BAZ2A: variants seen among roughly 807,000 people sequenced by gnomAD.
BAZ2A encodes bromodomain adjacent to zinc finger domain 2A, also known as bromodomain adjacent to zinc finger domain protein 2A.
A neutral mutation model predicts 199.9 loss-of-function variants in BAZ2A; 34 were observed. The ratio of observed to expected loss-of-function variants is 0.17; its 90% CI spans 0.13 to 0.23. BAZ2A has a LOEUF of 0.23. BAZ2A is among the 10% of genes least tolerant of loss of function. BAZ2A has a pLI of 1.00. For synonymous variants in BAZ2A, 857 were observed against 883.9 expected (o/e 0.97, Z 0.54); for missense variants, 2,002 against 2,391.1 (o/e 0.84, Z 3.39).
rs902839559 is a variant in BAZ2A at position 56,595,690 on chromosome 12, G to C, written c.*2928C>G. 1 of 152,248 alleles carries C rather than the reference G, an allele frequency of 6.6e-6. No individual in the cohort carries two copies. The highest frequency in any genetic ancestry group is 1.5e-5 in the Non-Finnish European group (1 of 68,054). 9.4% of individuals were successfully genotyped at this position (152,248 alleles called of 1,614,324 possible). ...CAGGAACACAGAGGTGGCAGCTTAG[G>C]AAGCTGGGGCCACATCTCACAAGGC... On this transcript the variant is annotated 3_prime_UTR_variant, in exon 29 of 29. Coordinates refer to ENST00000549884, the MANE Select transcript of BAZ2A (RefSeq NM_001300905.2).
chr12:56,601,491 A>G, intron 20 of BAZ2A, 55 bp downstream of exon 20: 1 of 1,596,156 alleles, frequency 6.3e-7, no homozygotes. Context: ...CACCCAGGCA[A>G]TGGTGCCTGT....
intron 1 of BAZ2A, among the ~76,000 whole-genome samples, chr12:56,617,777 G>T (rs1021911307): frequency 3.3e-5 from 5 of 152,142 alleles, no homozygotes; most frequent in African/African-American, 1.2e-4. Flanking sequence ...AAGCAAGTTA[G>T]CGAGAAAAAC....
intron 1 of BAZ2A, among the ~76,000 whole-genome samples, chr12:56,627,798 C>T (rs1393435673): frequency 6.8e-6 from 1 of 147,464 alleles, no homozygotes; most frequent in Non-Finnish European, 1.5e-5. Context: ...TGCACTCCAG[C>T]CTGGGCATCG....
In BAZ2A at chr12:56,615,105, A is replaced by T; in HGVS notation, c.639T>A (p.Pro213=). Residue 213 remains proline, a synonymous_variant, in exon 3 of 29, where the codon CCT becomes CCA. Coordinates refer to ENST00000549884, the MANE Select transcript of BAZ2A (RefSeq NM_001300905.2). ...PSQEVGSGIH[P]DEAAEKEMTS... is the part of the protein sequence containing the mutation. ...TCATCTCCTTTTCTGCTGCCTCATC[A>T]GGATGGATACCACTGCCTACCTCCT... The T allele has an allele frequency of 6.2e-7, 1 of 1,613,890 alleles. No homozygotes were observed. Among genetic ancestry groups the T allele is most frequent in the Middle Eastern group, 1.6e-4 (1 of 6,062 alleles).
chr12:56,599,090 G>A, intron 27 of BAZ2A, 39 bp downstream of exon 27: 1 of 1,598,752 alleles, frequency 6.3e-7, no homozygotes, highest in Admixed American at 1.7e-5. Flanking sequence ...CTCTGGCAGA[G>A]GTAGAGCCAA....
chr12:56,603,329 CCAA>C, intron 18 of BAZ2A, 27 bp downstream of exon 18: 1 of 1,609,102 alleles, frequency 6.2e-7, no homozygotes, highest in Non-Finnish European at 8.5e-7. Context: ...GCCCATATCT[CCAA>C]CTCTTGGGAG....
In BAZ2A at chr12:56,612,259, G is replaced by C. The variant is rs769392333; in HGVS notation, c.1136-13C>G. On this transcript the variant is annotated splice_polypyrimidine_tract_variant and intron_variant, in intron 5 of 28. Coordinates refer to ENST00000549884, the MANE Select transcript of BAZ2A (RefSeq NM_001300905.2). ...TCAAAGCTGTTATCTAGAATCCAAA[G>C]GGACAGGATAGGCTTTAAAAAAAAA... 5.2e-5 allele frequency: 83 copies of C among 1,604,610 alleles called. 2 individuals carry two copies. The Middle Eastern group carries it at 8.4e-4, about 16-fold the overall frequency.
Position 56,635,582 on chromosome 12 carries a change from T to C in BAZ2A, c.4+600A>G, listed in dbSNP as rs1194584145. On this transcript the variant is annotated intron_variant, in intron 1 of 29. Transcript: ENST00000379441. The surrounding 1 kb of genome is among the most constrained non-coding windows in gnomAD (Gnocchi z 4.1). ...CACTCAGTGCCCTCAGTGACTGTAG[T>C]GTGGGGGCCATCAATAGCAGCCCTG... 6.6e-6 allele frequency among the ~76,000 whole-genome samples: 1 copy of C among 152,112 alleles called. No homozygotes were observed. Among genetic ancestry groups the C allele is most frequent in the Non-Finnish European group, 1.5e-5 (1 of 68,024 alleles).
At chr12:56,604,182 C>T (rs1950271255) in intron 16 of BAZ2A, 35 bp downstream of exon 16, 1 of 1,569,670 alleles carries the variant, frequency 6.4e-7, no homozygotes, top group African/African-American at 1.4e-5. Context: ...CCACTTCTCT[C>T]CTCTCTGAGG....
intron 1 of BAZ2A, among the ~76,000 whole-genome samples, chr12:56,618,254 TC>T (rs1413490622): frequency 6.6e-6 from 1 of 152,196 alleles, no homozygotes; most frequent in African/African-American, 2.4e-5. Flanking sequence ...TTCTGTTATG[TC>T]TATTATGGTT....
chr12:56,631,178 C>T (rs557157339), upstream of BAZ2A, among the ~76,000 whole-genome samples: 5 of 152,206 alleles, frequency 3.3e-5, no homozygotes, highest in South Asian at 2.1e-4. Context: ...TCAGGCCGGA[C>T]GCGGTGGCTC....
At position 56,614,039 on chromosome 12, in the gene BAZ2A, T is replaced by C; in HGVS notation, c.830A>G (p.Asp277Gly). The change falls in exon 4 of 29, where the codon GAT (aspartate) becomes GGT (glycine). Residue 277 changes from aspartate to glycine, a missense_variant. Physicochemically the swap from Asp to Gly is moderately conservative, Grantham distance 94 (BLOSUM62 -1). Transcript: ENST00000549884. ...LVPDPTVSCL[D>G]DPSHLPDQLE... ...TTGATCAGGAAGATGTGAAGGATCATCTAAACAGCTCACTGTGGGGTCAGG... is the reference window on the plus strand; with the variant it reads ...TTGATCAGGAAGATGTGAAGGATCACCTAAACAGCTCACTGTGGGGTCAGG... 1.9e-6 allele frequency: 3 copies of C among 1,613,944 alleles called. No individual in the cohort carries two copies. The highest frequency in any genetic ancestry group is 2.5e-6 in the Non-Finnish European group (3 of 1,179,866).
chr12:56,624,039 A>T (rs556129095), intron 1 of BAZ2A, among the ~76,000 whole-genome samples: 1 of 152,022 alleles, frequency 6.6e-6, no homozygotes, highest in Non-Finnish European at 1.5e-5. Context: ...GAGGCCAGGA[A>T]TTCAAGACTG....
intron 13 of BAZ2A, chr12:56,605,606 G>A: frequency 1.6e-6 from 1 of 620,534 alleles, no homozygotes. Flanking sequence ...ATTTTTTGTA[G>A]AGATGAGGTC....
In BAZ2A at chr12:56,630,307, A is replaced by C. The variant is rs1182010154; in HGVS notation, c.-185T>G. ...ACCGCGGGGCCCGAGAGGAGCCAAC[A>C]TGGCCGGCGGGGGAGGAGTGAGTCG... On this transcript the variant is annotated 5_prime_UTR_variant, in exon 1 of 29. The change abolishes an upstream ATG in the 5' untranslated region. Coordinates refer to ENST00000549884, the MANE Select transcript of BAZ2A (RefSeq NM_001300905.2). The C allele has an allele frequency of 1.0e-6, 1 of 984,198 alleles. No individual in the cohort carries two copies. Among genetic ancestry groups the C allele is most frequent in the East Asian group, 1.1e-4 (1 of 8,800 alleles). The allele number at this position is 984,198 out of a possible 1,614,324, so 61.0% of individuals were successfully genotyped here.
At chr12:56,605,718 G>A in intron 13 of BAZ2A, 112 bp downstream of exon 13, 1 of 1,196,152 alleles carries the variant, frequency 8.4e-7, no homozygotes, top group South Asian at 1.6e-5. Flanking sequence ...ATGGCACCCG[G>A]CCTTCCTTTA....
intron 15 of BAZ2A, 73 bp from the exon 16 acceptor site, chr12:56,604,364 T>C: frequency 6.8e-7 from 1 of 1,472,480 alleles, no homozygotes; most frequent in Admixed American, 2.0e-5. Flanking sequence ...GTAAAGGGGC[T>C]GCAGCTGAAA....
intron 1 of BAZ2A, chr12:56,636,062 G>T: frequency 8.0e-7 from 1 of 1,257,224 alleles, no homozygotes; most frequent in Non-Finnish European, 1.1e-6. Context: ...GTCCCCCAGA[G>T]TCCTGTTTCC....
At chr12:56,607,650 C>T (rs1454512709) in intron 10 of BAZ2A, among the ~76,000 whole-genome samples, 4 of 152,122 alleles carry the variant, frequency 2.6e-5, no homozygotes, top group Admixed American at 6.5e-5. Flanking sequence ...GGATTACAGC[C>T]GTGAGCCACC....
Sources: gnomAD v4.1 joint callset for allele counts (sites outside exome capture counted in the v4.1 genomes callset) on GRCh38, gnomAD v4.1.1 for gene constraint, Gnocchi (gnomAD v3.1) non-coding constraint, MANE v1.5 for transcripts, NCBI Gene and HGNC (gene_info 2026-07-23, HGNC 2026-07-21) for gene names.